The following CNBD1 variants were observed in gnomAD, a reference collection of about 807,000 sequenced individuals.
The protein encoded by CNBD1 is cyclic nucleotide-binding domain-containing protein 1.
Under a neutral mutation model 54.4 loss-of-function variants are expected in CNBD1, and 71 were observed. That is an observed-to-expected ratio of 1.30 (90% CI 1.08 to 1.59). CNBD1 has a LOEUF of 1.59. Among genes scored for constraint, CNBD1 ranks in the 40% most tolerant of loss-of-function variants. The pLI is 0.00. For missense variants in CNBD1, 659 were observed against 518.0 expected, an observed-to-expected ratio of 1.27 and a Z score of -2.64; for synonymous variants, 182 against 170.7, an observed-to-expected ratio of 1.07 and a Z score of -0.51.
At chr8:86,910,208 G>A (rs1479948324) in intron 3 of CNBD1, among the ~76,000 whole-genome samples, 2 of 152,096 alleles carry the variant, frequency 1.3e-5, no homozygotes, top group Non-Finnish European at 2.9e-5. Flanking sequence ...CTAACCTACT[G>A]GAGGATGGGA....
intron 6 of CNBD1, among the ~76,000 whole-genome samples, chr8:87,243,634 A>G (rs1166444523): frequency 6.6e-6 from 1 of 152,310 alleles, no homozygotes; most frequent in East Asian, 1.9e-4. Context: ...GTGGTGTTTT[A>G]TAGAGCATAT....
At chr8:87,227,189 T>C (rs1563514911) in intron 5 of CNBD1, among the ~76,000 whole-genome samples, 1 of 152,152 alleles carries the variant, frequency 6.6e-6, no homozygotes, top group Non-Finnish European at 1.5e-5. Context: ...CTTGACTCTT[T>C]ATCCAATTTG....
intron 4 of CNBD1, among the ~76,000 whole-genome samples, chr8:86,967,898 G>T (rs988663871): frequency 6.6e-6 from 1 of 151,876 alleles, no homozygotes; most frequent in African/African-American, 2.4e-5. Context: ...TGAGATACTG[G>T]GTAAAAGAAA....
At chr8:86,885,238 A>T (rs904222830) in intron 1 of CNBD1, among the ~76,000 whole-genome samples, 5 of 152,232 alleles carry the variant, frequency 3.3e-5, no homozygotes, top group Non-Finnish European at 7.3e-5. Flanking sequence ...ATAATCATTA[A>T]CACATATAAA....
chr8:87,100,302 T>C (rs891043017), intron 4 of CNBD1, among the ~76,000 whole-genome samples: 2 of 152,168 alleles, frequency 1.3e-5, no homozygotes, highest in African/African-American at 4.8e-5. Context: ...ATTTTAAATA[T>C]TTTAAAAGAA....
At chr8:86,918,799 T>TA (rs67260396) in intron 3 of CNBD1, among the ~76,000 whole-genome samples, 543 of 137,736 alleles carry the variant, frequency 3.9e-3, no homozygotes, top group African/African-American at 0.01. Context: ...TATCTTTCTT[T>TA]AAAAAAAAAA....
intron 4 of CNBD1, among the ~76,000 whole-genome samples, chr8:87,129,501 A>T (rs1331521385): frequency 6.6e-6 from 1 of 151,914 alleles, no homozygotes; most frequent in Non-Finnish European, 1.5e-5. Flanking sequence ...ATCTGCTGAG[A>T]GGTTTATTTG....
chr8:87,152,789 A>G (rs1182185581), intron 4 of CNBD1, among the ~76,000 whole-genome samples: 1 of 152,292 alleles, frequency 6.6e-6, no homozygotes, highest in Non-Finnish European at 1.5e-5. Flanking sequence ...AACAAAAGGA[A>G]ATAGTTGAAA....
chr8:87,345,550 TCAA>T (rs1278860558), intron 8 of CNBD1, among the ~76,000 whole-genome samples: 2 of 152,098 alleles, frequency 1.3e-5, no homozygotes, highest in African/African-American at 4.8e-5. Context: ...TCTGACTACA[TCAA>T]CAAGAATCAA....
At chr8:87,375,269 A>C (rs914294032) in intron 10 of CNBD1, among the ~76,000 whole-genome samples, 15 of 151,886 alleles carry the variant, frequency 9.9e-5, no homozygotes, top group Admixed American at 5.3e-4. Context: ...TTTAGTTACA[A>C]ATTTCCAGGA....
chr8:86,972,042 TC>T (rs1808231720), intron 4 of CNBD1, among the ~76,000 whole-genome samples: 1 of 152,008 alleles, frequency 6.6e-6, no homozygotes, highest in South Asian at 2.1e-4. Flanking sequence ...AACCTCTGCC[TC>T]CTGGGTTCAA....
rs531222602 is a variant in CNBD1 at position 87,163,283 on chromosome 8, A to G, written c.432-42710A>G. Among the ~76,000 whole-genome samples the G allele has an allele frequency of 2.6e-3, 390 of 152,116 alleles. 1 individual carries two copies. Among genetic ancestry groups the G allele is most frequent in the African/African-American group, 9.1e-3 (378 of 41,542 alleles). On this transcript the variant is annotated intron_variant, in intron 4 of 10. Coordinates refer to ENST00000518476, the MANE Select transcript of CNBD1 (RefSeq NM_173538.3). This position sits in a 1 kb window ranked among gnomAD's most constrained non-coding sequence, Gnocchi z 4.5. Reference sequence around the variant, plus strand: ...GTCCCCAGCTTTGTTTTTCTTGCTCAAGATTGCTTTGCCTATTCAGGATAT... The same window carrying G: ...GTCCCCAGCTTTGTTTTTCTTGCTCGAGATTGCTTTGCCTATTCAGGATAT...
At chr8:87,285,839 C>T (rs1036898324) in intron 7 of CNBD1, among the ~76,000 whole-genome samples, 6 of 152,142 alleles carry the variant, frequency 3.9e-5, no homozygotes, top group Admixed American at 2.0e-4. Flanking sequence ...CATTGCACTC[C>T]AGCCTGGGCA....
chr8:87,064,622 A>C (rs1810612659), intron 4 of CNBD1, among the ~76,000 whole-genome samples: 1 of 151,804 alleles, frequency 6.6e-6, no homozygotes, highest in African/African-American at 2.4e-5. Flanking sequence ...ATTTGTCTGA[A>C]GGAGCACCTT....
chr8:87,029,495 T>A (rs995510008), intron 4 of CNBD1, among the ~76,000 whole-genome samples: 2 of 152,074 alleles, frequency 1.3e-5, no homozygotes, highest in African/African-American at 2.4e-5. Flanking sequence ...GGTAAAGCAG[T>A]GTAGAGAAGA....
intron 4 of CNBD1, among the ~76,000 whole-genome samples, chr8:87,105,808 T>G (rs1811523196): frequency 6.6e-6 from 1 of 152,108 alleles, no homozygotes; most frequent in African/African-American, 2.4e-5. Flanking sequence ...TCAGGCCCAG[T>G]TTGCTTCCCT....
chr8:87,209,952 C>T (rs945732743), intron 5 of CNBD1, among the ~76,000 whole-genome samples: 2 of 152,112 alleles, frequency 1.3e-5, no homozygotes, highest in African/African-American at 4.8e-5. Context: ...TGAGGGCAGT[C>T]ACCCCCATGC....
At chr8:87,354,788 T>C (rs956707456) in intron 10 of CNBD1, among the ~76,000 whole-genome samples, 5 of 152,210 alleles carry the variant, frequency 3.3e-5, no homozygotes, top group Non-Finnish European at 7.3e-5. Context: ...TGCCACATTT[T>C]CTTAACCCAG....
At chr8:87,407,503 G>A (rs1239844537) in intron 2 of CNBD1, among the ~76,000 whole-genome samples, 2 of 151,826 alleles carry the variant, frequency 1.3e-5, no homozygotes, top group African/African-American at 2.4e-5. Context: ...TTTCAAGTGG[G>A]CCTGTATCTC....
Sources: gnomAD v4.1 joint callset for allele counts (sites outside exome capture counted in the v4.1 genomes callset) on GRCh38, gnomAD v4.1.1 for gene constraint, Gnocchi (gnomAD v3.1) non-coding constraint, MANE v1.5 for transcripts, NCBI Gene and HGNC (gene_info 2026-07-23, HGNC 2026-07-21) for gene names.